The following SP4 variants were observed in gnomAD, a reference collection of about 807,000 sequenced individuals.
The protein encoded by SP4 is transcription factor Sp4.
Under a neutral mutation model 72.8 loss-of-function variants are expected in SP4, and 19 were observed. The observed-to-expected ratio is 0.26, with a 90% CI of 0.18 to 0.38. The LOEUF is 0.38. SP4 is among the 10% of genes least tolerant of loss of function. The probability of loss-of-function intolerance (pLI) is 1.00; values close to 1 mark genes in which losing one functional copy is unlikely to be tolerated. For synonymous variants in SP4, 395 were observed against 333.1 expected (o/e 1.19, Z -2.02); for missense variants, 1,008 against 926.3 (o/e 1.09, Z -1.14).
chr7:21,446,054 A>G (rs989541148), intron 3 of SP4, among the ~76,000 whole-genome samples: 71 of 147,656 alleles, frequency 4.8e-4, no homozygotes, highest in Non-Finnish European at 7.6e-4. Flanking sequence ...GTAGATATAT[A>G]TGTGTGTGTG....
chr7:21,475,071 T>C (rs1386495527), intron 3 of SP4, among the ~76,000 whole-genome samples: 1 of 152,034 alleles, frequency 6.6e-6, no homozygotes, highest in East Asian at 1.9e-4. Context: ...GTACTACATG[T>C]GCAGCTTTGA....
At chr7:21,487,242 A>AAAG (rs1784839530) in intron 5 of SP4, among the ~76,000 whole-genome samples, 1 of 152,024 alleles carries the variant, frequency 6.6e-6, no homozygotes, top group African/African-American at 2.4e-5. Flanking sequence ...GGCGCCTTTT[A>AAAG]ATCTGTGGTG....
In SP4 at chr7:21,511,931, CAA is replaced by C. The variant is rs931310738; in HGVS notation, c.*663_*664del. On this transcript the variant is annotated 3_prime_UTR_variant, in exon 6 of 6. Transcript: ENST00000222584. ...CAATTACTTTCTCCATTTGGAGACACAAGAGGAACATAGAGTTAAATCTTAGG... is the reference window on the plus strand; with the variant it reads ...CAATTACTTTCTCCATTTGGAGACACGAGGAACATAGAGTTAAATCTTAGG... 6.6e-6 allele frequency: 1 copy of C among 152,492 alleles called. No homozygotes were observed. Among genetic ancestry groups the C allele is most frequent in the Non-Finnish European group, 1.5e-5 (1 of 68,016 alleles). The allele number at this position is 152,492 out of a possible 1,614,324, so 9.4% of individuals were successfully genotyped here. A position where few individuals can be genotyped will look rare whatever the true frequency, so the allele number is the denominator to read the frequency against.
intron 3 of SP4, among the ~76,000 whole-genome samples, chr7:21,449,021 C>G (rs1225241905): frequency 1.3e-5 from 2 of 152,118 alleles, no homozygotes; most frequent in South Asian, 4.1e-4. Flanking sequence ...CCTGCAAATG[C>G]TTTTTTCAAA....
chr7:21,511,381 T>C lies in SP4; in HGVS notation c.*112T>C. ...GAGTAGGAAATTATGTTTTCATTCT[T>C]GGCTTCTTTAAGTATTCCAGGGTTT... On this transcript the variant is annotated 3_prime_UTR_variant, in exon 6 of 6. Coordinates refer to ENST00000222584, the MANE Select transcript of SP4 (RefSeq NM_003112.5). The C allele has an allele frequency of 5.1e-6, 6 of 1,167,610 alleles. No homozygotes were observed. Among genetic ancestry groups the C allele is most frequent in the Non-Finnish European group, 7.2e-6 (6 of 835,024 alleles). The allele number at this position is 1,167,610 out of a possible 1,614,324, so 72.3% of individuals were successfully genotyped here.
intron 5 of SP4, among the ~76,000 whole-genome samples, chr7:21,490,816 A>G (rs1323602305): frequency 6.6e-6 from 1 of 152,226 alleles, no homozygotes; most frequent in Non-Finnish European, 1.5e-5. Context: ...GCATGTGCTG[A>G]GCAGAGACAA....
intron 3 of SP4, among the ~76,000 whole-genome samples, chr7:21,445,009 A>C (rs1450295204): frequency 6.6e-6 from 1 of 152,186 alleles, no homozygotes; most frequent in African/African-American, 2.4e-5. Flanking sequence ...ATTAGAAAGA[A>C]AGTTTTTATT....
At chr7:21,452,351 G>A (rs920046529) in intron 3 of SP4, among the ~76,000 whole-genome samples, 1 of 152,186 alleles carries the variant, frequency 6.6e-6, no homozygotes, top group African/African-American at 2.4e-5. Context: ...TCTCAGATAA[G>A]GCTTTTTAAA....
chr7:21,445,818 A>T (rs1783403969), intron 3 of SP4, among the ~76,000 whole-genome samples: 1 of 152,122 alleles, frequency 6.6e-6, no homozygotes, highest in African/African-American at 2.4e-5. Context: ...TTTTAAAAGG[A>T]TTTTCTCTCT....
At position 21,446,992 on chromosome 7, in the gene SP4, A is replaced by G. The variant is rs367631961; in HGVS notation, c.1678+16149A>G. Among the ~76,000 whole-genome samples, 7 of 152,292 alleles carry G rather than the reference A, an allele frequency of 4.6e-5. No homozygotes were observed. The East Asian group carries it at 9.7e-4, about 21-fold the overall frequency. On this transcript the variant is annotated intron_variant, in intron 3 of 5. Transcript: ENST00000222584. ...TGTTTTAGAATATGGTTCATTCACT[A>G]GCGCCCTTGTGACTAGCCACATGTC...
intron 3 of SP4, among the ~76,000 whole-genome samples, chr7:21,468,177 C>A (rs1349974413): frequency 6.6e-6 from 1 of 152,100 alleles, no homozygotes; most frequent in East Asian, 1.9e-4. Flanking sequence ...TGTCCCTATT[C>A]CTAAGCTAAC....
chr7:21,453,554 A>T (rs886424754), intron 3 of SP4, among the ~76,000 whole-genome samples: 4 of 152,222 alleles, frequency 2.6e-5, no homozygotes, highest in African/African-American at 9.6e-5. Flanking sequence ...CATACCAATA[A>T]CACACTTACA....
At chr7:21,460,575 C>T (rs761221748) in intron 3 of SP4, among the ~76,000 whole-genome samples, 6 of 152,258 alleles carry the variant, frequency 3.9e-5, no homozygotes, top group East Asian at 3.9e-4. Context: ...ACTGCTGGCT[C>T]GGGCAGCCTG....
At chr7:21,446,559 G>A (rs953970284) in intron 3 of SP4, among the ~76,000 whole-genome samples, 3 of 152,138 alleles carry the variant, frequency 2.0e-5, no homozygotes, top group African/African-American at 4.8e-5. Flanking sequence ...GAATGTATGT[G>A]TGTGTAGTGT....
chr7:21,495,252 A>G (rs1785078925), intron 5 of SP4, among the ~76,000 whole-genome samples: 1 of 152,140 alleles, frequency 6.6e-6, no homozygotes, highest in African/African-American at 2.4e-5. Context: ...TGAAAACTAA[A>G]AACTTTTGCT....
In SP4 at chr7:21,514,763, A is replaced by G. The variant is rs992218567; in HGVS notation, c.*3494A>G. 1.3e-5 allele frequency: 2 copies of G among 152,206 alleles called. No individual in the cohort carries two copies. The highest frequency in any genetic ancestry group is 4.8e-5 in the African/African-American group (2 of 41,452). 9.4% of individuals were successfully genotyped at this position (152,206 alleles called of 1,614,324 possible). On this transcript the variant is annotated 3_prime_UTR_variant, in exon 6 of 6. Coordinates refer to ENST00000222584, the MANE Select transcript of SP4 (RefSeq NM_003112.5). ...TATTAAAAATTCCCTTGAGTTTAAC[A>G]TGTTTCATTTAATTATGTATACTAT...
chr7:21,477,914 C>T (rs1216423794), intron 4 of SP4, among the ~76,000 whole-genome samples: 13 of 152,090 alleles, frequency 8.5e-5, no homozygotes, highest in Admixed American at 8.5e-4. Flanking sequence ...ATACAGTTCA[C>T]GAATTTAAAG....
chr7:21,493,641 C>G (rs902471958), intron 5 of SP4, among the ~76,000 whole-genome samples: 8 of 152,152 alleles, frequency 5.3e-5, no homozygotes, highest in African/African-American at 1.9e-4. Flanking sequence ...AACACTGGCT[C>G]AAGAAGAGAT....
chr7:21,484,711 A>G (rs1253198149), intron 5 of SP4, among the ~76,000 whole-genome samples: 1 of 151,844 alleles, frequency 6.6e-6, no homozygotes, highest in East Asian at 1.9e-4. Context: ...CAGTGGGATA[A>G]ATTAGGGAAG....
Sources: gnomAD v4.1 joint callset for allele counts (sites outside exome capture counted in the v4.1 genomes callset) on GRCh38, gnomAD v4.1.1 for gene constraint, MANE v1.5 for transcripts, NCBI Gene and HGNC (gene_info 2026-07-23, HGNC 2026-07-21) for gene names.